The following EML5 variants were observed in gnomAD, a reference collection of about 807,000 sequenced individuals.
The protein encoded by EML5 is echinoderm microtubule-associated protein-like 5.
EML5 carries 120 observed loss-of-function variants against 250.0 expected under a neutral mutation model. The ratio of observed to expected loss-of-function variants is 0.48; its 90% confidence interval spans 0.41 to 0.56. The LOEUF (loss-of-function observed/expected upper bound fraction) is 0.56, where lower values mean the gene tolerates loss of function less well. Among genes scored for constraint, EML5 ranks in the 20% least tolerant of loss-of-function variants. EML5 has a pLI of 0.00. For synonymous variants in EML5, 771 were observed against 806.5 expected (o/e 0.96, Z 0.75); for missense variants, 2,006 against 2,437.6 (o/e 0.82, Z 3.73).
intron 20 of EML5, among the ~76,000 whole-genome samples, chr14:88,683,428 C>T (rs943915216): frequency 5.3e-5 from 8 of 152,194 alleles, no homozygotes; most frequent in African/African-American, 1.9e-4. Flanking sequence ...AGGAGTTTAA[C>T]AGTTGGGTGT....
At chr14:88,663,140 A>G (rs1283876312) in intron 23 of EML5, 21 bp from the exon 24 acceptor site, 1 of 1,468,462 alleles carries the variant, frequency 6.8e-7, no homozygotes, top group Admixed American at 2.1e-5. Context: ...ATTTTTAAAA[A>G]TATTTACACA....
chr14:88,715,230 G>C, intron 8 of EML5, 35 bp from the exon 9 acceptor site: 1 of 1,536,548 alleles, frequency 6.5e-7, no homozygotes, highest in Non-Finnish European at 8.7e-7. Context: ...TACATGAACA[G>C]AAGTCACAAC....
Position 88,696,866 on chromosome 14 carries a change from A to T in EML5, c.2325T>A (p.Val775=). 6.2e-7 allele frequency: 1 copy of T among 1,607,428 alleles called. No homozygotes were observed. Among genetic ancestry groups the T allele is most frequent in the Non-Finnish European group, 8.5e-7 (1 of 1,176,812 alleles). ...CCTTACCTGAGAAATCAACGGCACT[A>T]ACACCATACTGGTGGTGGCCCTTTA... ...SILKGHHQYG[V]SAVDFSADGK... The change falls in exon 15 of 44, where the codon GTT becomes GTA. Residue 775 remains valine, a synonymous_variant. Coordinates refer to ENST00000554922, the MANE Select transcript of EML5 (RefSeq NM_183387.3).
At chr14:88,733,713 T>A (rs35893211) in intron 7 of EML5, among the ~76,000 whole-genome samples, 12,986 of 152,208 alleles carry the variant, frequency 0.085, 680 homozygotes, top group Non-Finnish European at 0.12. Context: ...GTAAATGGCA[T>A]GACTGATTAG....
intron 1 of EML5, among the ~76,000 whole-genome samples, chr14:88,768,915 T>C (rs1464099077): frequency 1.3e-5 from 2 of 152,138 alleles, no homozygotes; most frequent in Admixed American, 6.6e-5. Context: ...GGCCATACAG[T>C]TTCTGTCACA....
intron 7 of EML5, among the ~76,000 whole-genome samples, chr14:88,729,558 GT>G (rs111605174): frequency 3.4e-5 from 5 of 148,394 alleles, no homozygotes; most frequent in Admixed American, 6.7e-5. Flanking sequence ...TACTTATTTG[GT>G]TTTTTGTTTT....
intron 10 of EML5, among the ~76,000 whole-genome samples, chr14:88,709,071 T>C (rs2093363436): frequency 6.6e-6 from 1 of 152,080 alleles, no homozygotes; most frequent in African/African-American, 2.4e-5. Flanking sequence ...ATGATCTAAA[T>C]ATTTTCAATA....
intron 17 of EML5, among the ~76,000 whole-genome samples, chr14:88,690,636 T>C (rs949628755): frequency 1.3e-5 from 2 of 152,194 alleles, no homozygotes; most frequent in South Asian, 2.1e-4. Flanking sequence ...GCATAGAAGA[T>C]GACAAATTGA....
At chr14:88,661,624 T>A in intron 25 of EML5, 30 bp downstream of exon 25, 1 of 1,581,656 alleles carries the variant, frequency 6.3e-7, no homozygotes, top group Non-Finnish European at 8.6e-7. Context: ...TAATTGATGA[T>A]CATTAGGAAA....
At chr14:88,652,842 C>A (rs2091693230) in intron 27 of EML5, among the ~76,000 whole-genome samples, 1 of 152,130 alleles carries the variant, frequency 6.6e-6, no homozygotes, top group Admixed American at 6.6e-5. Context: ...AATCTGTCAT[C>A]TAGCTCAGAG....
intron 3 of EML5, 36 bp downstream of exon 3, chr14:88,746,149 C>A: frequency 6.6e-7 from 1 of 1,519,736 alleles, no homozygotes; most frequent in Non-Finnish European, 9.1e-7. Flanking sequence ...CTTTCCCTTC[C>A]AGTACTCATT....
chr14:88,662,089 T>G (rs929690358), intron 24 of EML5, among the ~76,000 whole-genome samples: 1 of 152,094 alleles, frequency 6.6e-6, no homozygotes, highest in African/African-American at 2.4e-5. Flanking sequence ...GCATACAGTG[T>G]TAATAATAAA....
Position 88,687,316 on chromosome 14 carries a change from A to G in EML5, c.2754T>C (p.Thr918=), listed in dbSNP as rs769810314. The G allele has an allele frequency of 6.2e-6, 10 of 1,605,512 alleles. 1 individual carries two copies. In the South Asian group the frequency reaches 7.9e-5, roughly 13 times the overall value. Residue 918 remains threonine, a synonymous_variant, in exon 19 of 44, where the codon ACT becomes ACC. Transcript: ENST00000554922. ...SMHALEKGFV[T]GGKDGIVALW... ...GAGCTACTATACCATCTTTTCCTCC[A>G]GTTACAAACCCCTATGGAAAAAAAA... is the stretch of plus-strand genomic sequence containing the variant.
chr14:88,743,014 T>C (rs1017249651), intron 4 of EML5, among the ~76,000 whole-genome samples: 1 of 152,094 alleles, frequency 6.6e-6, no homozygotes, highest in African/African-American at 2.4e-5. Context: ...TAAAAGTAAC[T>C]ATAAACATAA....
intron 20 of EML5, among the ~76,000 whole-genome samples, chr14:88,683,268 A>C (rs2092755909): frequency 6.6e-6 from 1 of 151,680 alleles, no homozygotes; most frequent in Non-Finnish European, 1.5e-5. Flanking sequence ...GATAGCTGGG[A>C]GGAGCCTGCC....
chr14:88,660,505 G>A (rs1476507180), intron 25 of EML5, among the ~76,000 whole-genome samples: 1 of 152,076 alleles, frequency 6.6e-6, no homozygotes, highest in Non-Finnish European at 1.5e-5. Context: ...TACTTTGGGA[G>A]GTCGAAGTGG....
intron 3 of EML5, among the ~76,000 whole-genome samples, chr14:88,744,897 G>A (rs1294303429): frequency 1.3e-5 from 2 of 151,952 alleles, no homozygotes; most frequent in African/African-American, 4.8e-5. Context: ...ATGCTCTTTA[G>A]TGATAATGAA....
Position 88,774,955 on chromosome 14 carries a change from G to A in EML5, c.197+17352C>T, listed in dbSNP as rs201391375. Among the ~76,000 whole-genome samples, 8 of 152,204 alleles carry A rather than the reference G, an allele frequency of 5.3e-5. No individual in the cohort carries two copies. In the East Asian group the frequency reaches 1.5e-3, roughly 29 times the overall value. On this transcript the variant is annotated intron_variant, in intron 1 of 43. Transcript: ENST00000554922. ...TCTAAAACAGAGTTGCTTGGTCAAA[G>A]TCATGAGGCCCCTGTTTCAGGCCCT...
intron 2 of EML5, among the ~76,000 whole-genome samples, chr14:88,753,925 G>C (rs1402917244): frequency 1.3e-5 from 2 of 152,114 alleles, no homozygotes; most frequent in East Asian, 3.9e-4. Context: ...GATAGCTTAA[G>C]GCCAGAAGTT....
Sources: allele counts gnomAD v4.1 joint callset (sites outside exome capture counted in the v4.1 genomes callset), GRCh38; gene constraint gnomAD v4.1.1; transcripts MANE v1.5; gene names NCBI Gene and HGNC (gene_info 2026-07-23, HGNC 2026-07-21).